RNF121: variants seen among roughly 807,000 people sequenced by gnomAD.
RNF121 encodes ring finger protein 121.
RNF121 carries 21 observed loss-of-function variants against 46.5 expected under a neutral mutation model. The ratio of observed to expected loss-of-function variants is 0.45; its 90% confidence interval spans 0.32 to 0.65. The LOEUF (loss-of-function observed/expected upper bound fraction) is 0.65. RNF121 is among the 30% of genes least tolerant of loss of function. The pLI, the probability that RNF121 is intolerant of heterozygous loss-of-function variation, is 0.04. For missense variants in RNF121, 346 were observed against 416.0 expected (o/e 0.83, Z 1.46); for synonymous variants, 139 against 144.7 (o/e 0.96, Z 0.28).
intron 3 of RNF121, among the ~76,000 whole-genome samples, chr11:71,970,309 T>C (rs1186944843): frequency 6.6e-6 from 1 of 152,108 alleles, no homozygotes; most frequent in Non-Finnish European, 1.5e-5. Flanking sequence ...TACATAACAG[T>C]ATTGAACTGT....
At chr11:71,938,241 G>A (rs2134148677) in intron 1 of RNF121, among the ~76,000 whole-genome samples, 1 of 151,598 alleles carries the variant, frequency 6.6e-6, no homozygotes, top group African/African-American at 2.4e-5. Flanking sequence ...TTTAGTAACA[G>A]GAATAGCTAA....
At chr11:71,931,993 T>C (rs1953286827) in intron 1 of RNF121, among the ~76,000 whole-genome samples, 3 of 152,354 alleles carry the variant, frequency 2.0e-5, no homozygotes, top group African/African-American at 7.2e-5. Flanking sequence ...ATTATACCTA[T>C]GTTTTCCAAT....
intron 4 of RNF121, among the ~76,000 whole-genome samples, chr11:71,986,628 G>C (rs1441765620): frequency 6.6e-6 from 1 of 152,018 alleles, no homozygotes; most frequent in Non-Finnish European, 1.5e-5. Context: ...AATTAGCCGG[G>C]TGTGGTGGTG....
At chr11:71,942,162 T>C (rs985537122) in intron 1 of RNF121, among the ~76,000 whole-genome samples, 1 of 152,012 alleles carries the variant, frequency 6.6e-6, no homozygotes, top group Non-Finnish European at 1.5e-5. Context: ...CTCAATCTCC[T>C]GACCTAATAA....
At chr11:71,936,307 C>A (rs1281171626) in intron 1 of RNF121, among the ~76,000 whole-genome samples, 9 of 152,256 alleles carry the variant, frequency 5.9e-5, no homozygotes, top group African/African-American at 2.2e-4. Flanking sequence ...AAACCTCATG[C>A]TCTGGCAGAT....
At chr11:71,933,921 G>T (rs574717162) in intron 1 of RNF121, among the ~76,000 whole-genome samples, 24 of 152,326 alleles carry the variant, frequency 1.6e-4, no homozygotes, top group African/African-American at 5.8e-4. Flanking sequence ...TTTATTAAAT[G>T]TTTACGACAT....
intron 6 of RNF121, 127 bp downstream of exon 6, chr11:71,990,844 G>A: frequency 9.2e-7 from 1 of 1,083,904 alleles, no homozygotes; most frequent in Non-Finnish European, 1.3e-6. Flanking sequence ...TTCAAGATGT[G>A]CATATGCATG....
chr11:71,964,060 A>G (rs1484917450), intron 3 of RNF121, among the ~76,000 whole-genome samples: 1 of 152,208 alleles, frequency 6.6e-6, no homozygotes, highest in Non-Finnish European at 1.5e-5. Context: ...AATCAGTTGG[A>G]ATTTTGATAA....
At chr11:71,957,291 G>A (rs1373427605) in intron 2 of RNF121, 27 bp downstream of exon 2, 2 of 1,488,490 alleles carry the variant, frequency 1.3e-6, no homozygotes, top group Middle Eastern at 1.7e-4. Flanking sequence ...GGGCCCTGCA[G>A]TCTAGGAACT....
At chr11:71,956,542 G>A (rs906380209) in intron 1 of RNF121, among the ~76,000 whole-genome samples, 18 of 152,188 alleles carry the variant, frequency 1.2e-4, no homozygotes, top group Non-Finnish European at 1.9e-4. Flanking sequence ...CTTTGAAGTC[G>A]GATGGCTAGT....
In RNF121 at chr11:71,929,070, A is replaced by T. The variant is rs1212826268; in HGVS notation, c.9A>T (p.Ala3=). The T allele has an allele frequency of 3.9e-6, 6 of 1,551,406 alleles. No individual in the cohort carries two copies. The Admixed American group carries it at 1.2e-4, about 30-fold the overall frequency. MA[A]VVEVEVGGGA... is the part of the protein sequence containing the mutation. ...GGGGGCGAGCCGTGAAGATGGCGGCAGTGGTGGAGGTGGAGGTTGGAGGTG... is the reference window on the plus strand; with the variant it reads ...GGGGGCGAGCCGTGAAGATGGCGGCTGTGGTGGAGGTGGAGGTTGGAGGTG... The change falls in exon 1 of 9, where the codon GCA becomes GCT. Residue 3 remains alanine (A), a synonymous_variant. Coordinates refer to ENST00000361756, the MANE Select transcript of RNF121 (RefSeq NM_018320.5).
chr11:71,978,000 G>T, intron 3 of RNF121: 1 of 271,042 alleles, frequency 3.7e-6, no homozygotes, highest in South Asian at 2.9e-5. Flanking sequence ...CTTCCTTAAT[G>T]AAGTTTAAAC....
chr11:71,933,643 A>G (rs1301880186), intron 1 of RNF121, among the ~76,000 whole-genome samples: 2 of 152,170 alleles, frequency 1.3e-5, no homozygotes, highest in Non-Finnish European at 2.9e-5. Flanking sequence ...ACCCCACTTC[A>G]TGTTCCCTCA....
At chr11:71,981,093 G>A (rs1478060905) in intron 3 of RNF121, among the ~76,000 whole-genome samples, 1 of 151,556 alleles carries the variant, frequency 6.6e-6, no homozygotes, top group Non-Finnish European at 1.5e-5. Flanking sequence ...CTGTCACCCA[G>A]GCTGGAGTGC....
At chr11:71,960,960 C>A in intron 3 of RNF121, 69 bp downstream of exon 3, 1 of 1,526,580 alleles carries the variant, frequency 6.6e-7, no homozygotes, top group South Asian at 1.2e-5. Context: ...TATTCTAGGT[C>A]CCAGCCTAAC....
intron 1 of RNF121, among the ~76,000 whole-genome samples, chr11:71,938,445 G>C (rs1953477040): frequency 6.8e-6 from 1 of 147,806 alleles, no homozygotes; most frequent in Admixed American, 7.0e-5. Flanking sequence ...TCAGCCTCCT[G>C]AGTAGCTGGG....
chr11:71,949,217 A>C (rs1392910138), intron 1 of RNF121, among the ~76,000 whole-genome samples: 2 of 152,104 alleles, frequency 1.3e-5, no homozygotes, highest in African/African-American at 4.8e-5. Flanking sequence ...CAGAAGTTCA[A>C]GAGCAGCCAG....
At chr11:71,934,646 C>T (rs1332902974) in intron 1 of RNF121, among the ~76,000 whole-genome samples, 1 of 152,146 alleles carries the variant, frequency 6.6e-6, no homozygotes, top group Non-Finnish European at 1.5e-5. Flanking sequence ...GCATATGTGA[C>T]TGAAGTTTAG....
chr11:71,961,127 C>T (rs1954121459), intron 3 of RNF121, among the ~76,000 whole-genome samples: 1 of 152,120 alleles, frequency 6.6e-6, no homozygotes, highest in African/African-American at 2.4e-5. Context: ...GATAGGTTTT[C>T]CCTTCGAAAC....
Sources: allele counts gnomAD v4.1 joint callset (sites outside exome capture counted in the v4.1 genomes callset), GRCh38; gene constraint gnomAD v4.1.1; transcripts MANE v1.5; gene names NCBI Gene and HGNC (gene_info 2026-07-23, HGNC 2026-07-21).